Variants in CSMD2 observed in about 807,000 individuals in gnomAD.
The protein encoded by CSMD2 is CUB and sushi domain-containing protein 2.
A neutral mutation model predicts 398.5 loss-of-function variants in CSMD2; 130 were observed. The observed-to-expected ratio is 0.33, with a 90% CI of 0.28 to 0.38. The LOEUF is 0.38. Ranked by LOEUF, CSMD2 falls within the 10% of genes least tolerant of loss-of-function variation. The pLI is 1.00. For synonymous variants in CSMD2, 1,828 were observed against 1,908.5 expected (o/e 0.96, Z 1.10); for missense variants, 3,829 against 4,764.9 (o/e 0.80, Z 5.78).
chr1:33,649,681 C>T (rs1178676911), intron 28 of CSMD2, among the ~76,000 whole-genome samples: 1 of 152,144 alleles, frequency 6.6e-6, no homozygotes, highest in Non-Finnish European at 1.5e-5. Flanking sequence ...AATGAAATGA[C>T]ATTGAAGGAA....
At chr1:33,823,883 T>C (rs1287822125) in intron 7 of CSMD2, among the ~76,000 whole-genome samples, 1 of 152,218 alleles carries the variant, frequency 6.6e-6, no homozygotes, top group Non-Finnish European at 1.5e-5. Flanking sequence ...GAGGGAGTTT[T>C]TGGCATCTTC....
rs1283702284 is a variant in CSMD2 at position 33,714,725 on chromosome 1, G to A, written c.3268C>T (p.Arg1090Trp). 8 of 1,614,058 alleles carry A rather than the reference G, an allele frequency of 5.0e-6. No homozygotes were observed. The highest frequency in any genetic ancestry group is 3.3e-5 in the Admixed American group (2 of 60,014). Residue 1090 changes from arginine to tryptophan, a missense_variant, in exon 21 of 71, where the codon CGG becomes TGG. Transcript: ENST00000373381. ...CCCACGCCAAACTGCAAGCCCTTCCGGATGCTGTAGGCTGGGACCTCGGGC... is the reference window on the plus strand; with the variant it reads ...CCCACGCCAAACTGCAAGCCCTTCCAGATGCTGTAGGCTGGGACCTCGGGC... ...EEPEVPAYSI[R>W]KGLQFGVGDT... is the part of the protein sequence containing the mutation.
intron 9 of CSMD2, among the ~76,000 whole-genome samples, chr1:33,811,750 G>C (rs903957423): frequency 3.3e-5 from 5 of 152,170 alleles, no homozygotes; most frequent in Non-Finnish European, 5.9e-5. Context: ...CTAGGTATTT[G>C]CTTTCTTTAA....
intron 27 of CSMD2, among the ~76,000 whole-genome samples, chr1:33,656,962 T>G (rs1643965411): frequency 6.6e-6 from 1 of 152,212 alleles, no homozygotes. Context: ...TTATTTCACC[T>G]GAGCAAAATA....
chr1:33,669,500 C>A (rs572915120), intron 25 of CSMD2, among the ~76,000 whole-genome samples: 1 of 152,276 alleles, frequency 6.6e-6, no homozygotes, highest in East Asian at 1.9e-4. Flanking sequence ...ACACCAAGTC[C>A]CCCCTGGGCT....
chr1:33,817,235 T>A (rs1278173692), intron 9 of CSMD2, among the ~76,000 whole-genome samples: 1 of 152,186 alleles, frequency 6.6e-6, no homozygotes, highest in Non-Finnish European at 1.5e-5. Context: ...CCCAGGAGAC[T>A]TAGCAGTCTC....
intron 21 of CSMD2, among the ~76,000 whole-genome samples, chr1:33,713,660 A>G (rs969093688): frequency 6.6e-6 from 1 of 151,938 alleles, no homozygotes; most frequent in East Asian, 1.9e-4. Flanking sequence ...CCAACTTCCA[A>G]CAGCTGCCTC....
intron 2 of CSMD2, among the ~76,000 whole-genome samples, chr1:34,071,255 G>A (rs1477517881): frequency 2.6e-5 from 4 of 152,226 alleles, no homozygotes; most frequent in Non-Finnish European, 5.9e-5. Flanking sequence ...CAAGATGCTA[G>A]GGGCATCACG....
At chr1:34,055,185 T>C (rs974135511) in intron 2 of CSMD2, among the ~76,000 whole-genome samples, 3 of 152,154 alleles carry the variant, frequency 2.0e-5, no homozygotes, top group African/African-American at 7.2e-5. Flanking sequence ...GCCAGTCTAC[T>C]CCCAACTTTT....
chr1:33,722,693 T>G (rs1422048216), intron 19 of CSMD2, among the ~76,000 whole-genome samples: 1 of 152,182 alleles, frequency 6.6e-6, no homozygotes, highest in Admixed American at 6.5e-5. Context: ...ATTTTTTTTT[T>G]TCTATTTAGT....
chr1:34,007,104 G>A (rs192962672), intron 3 of CSMD2, among the ~76,000 whole-genome samples: 5 of 148,374 alleles, frequency 3.4e-5, no homozygotes, highest in East Asian at 1.9e-4. Context: ...TATTTAAGTC[G>A]AAGTCCAGAA....
chr1:33,863,307 G>A (rs186295373), intron 5 of CSMD2: 7 of 152,274 alleles, frequency 4.6e-5, no homozygotes, highest in African/African-American at 1.2e-4. Context: ...GCCAGAAGCC[G>A]GCCAGTTTGA....
At chr1:34,013,792 G>C (rs935158884) in intron 3 of CSMD2, among the ~76,000 whole-genome samples, 1 of 152,120 alleles carries the variant, frequency 6.6e-6, no homozygotes, top group Non-Finnish European at 1.5e-5. Context: ...TCCCTTGCGA[G>C]GTCATCTCAT....
chr1:33,657,895 C>A, intron 27 of CSMD2, 51 bp downstream of exon 27: 1 of 1,539,582 alleles, frequency 6.5e-7, no homozygotes, highest in Non-Finnish European at 8.9e-7. Context: ...GGTTCTGGAG[C>A]ACACAACTGT....
intron 1 of CSMD2, among the ~76,000 whole-genome samples, chr1:34,139,993 G>T (rs1558449860): frequency 1.3e-5 from 2 of 152,106 alleles, no homozygotes; most frequent in African/African-American, 4.8e-5. Context: ...TTAACTAATG[G>T]CCTACTATTT....
At chr1:33,718,272 G>A (rs1049326392) in intron 19 of CSMD2, among the ~76,000 whole-genome samples, 10 of 152,204 alleles carry the variant, frequency 6.6e-5, no homozygotes, top group East Asian at 1.9e-4. Context: ...AGGTAGTGAG[G>A]GAAGTTATAG....
intron 3 of CSMD2, among the ~76,000 whole-genome samples, chr1:33,964,444 G>C (rs1478169556): frequency 6.6e-6 from 1 of 152,214 alleles, no homozygotes; most frequent in African/African-American, 2.4e-5. Context: ...CACATGTTAG[G>C]CTCTTTGGAG....
intron 3 of CSMD2, among the ~76,000 whole-genome samples, chr1:33,940,718 T>C (rs1322696451): frequency 6.6e-6 from 1 of 152,288 alleles, no homozygotes; most frequent in East Asian, 1.9e-4. Context: ...TCCAAGCACA[T>C]AGTGGGTGCT....
At chr1:33,805,471 A>G (rs1656114943) in intron 10 of CSMD2, among the ~76,000 whole-genome samples, 2 of 152,214 alleles carry the variant, frequency 1.3e-5, no homozygotes, top group Non-Finnish European at 2.9e-5. Context: ...ACAATTTTAA[A>G]GTGTTAGGTA....
Sources: allele counts gnomAD v4.1 joint callset (sites outside exome capture counted in the v4.1 genomes callset), GRCh38; gene constraint gnomAD v4.1.1; transcripts MANE v1.5; gene names NCBI Gene and HGNC (gene_info 2026-07-23, HGNC 2026-07-21).